Variants in SLC17A7 observed in about 807,000 individuals in gnomAD.
The protein encoded by SLC17A7 is solute carrier family 17 member 7, also known as vesicular glutamate transporter 1.
In SLC17A7, 15 loss-of-function variants were observed where a neutral mutation model predicts 59.1. The ratio of observed to expected loss-of-function variants is 0.25; its 90% CI spans 0.17 to 0.39. SLC17A7 has a LOEUF of 0.39. Ranked by LOEUF, SLC17A7 falls within the 10% of genes least tolerant of loss-of-function variation. The pLI is 1.00. For missense variants in SLC17A7, 499 were observed against 765.1 expected (o/e 0.65, Z 4.10); for synonymous variants, 353 against 308.9 (o/e 1.14, Z -1.50).
At chr19:49,434,537 C>A in intron 5 of SLC17A7, 65 bp downstream of exon 5, 1 of 1,490,350 alleles carries the variant, frequency 6.7e-7, no homozygotes, top group Non-Finnish European at 9.1e-7. Flanking sequence ...CCGCTCAGAC[C>A]CAACAGTCCA....
chr19:49,434,708 A>G lies in SLC17A7; in HGVS notation c.550-19T>C. Reference sequence around the variant, plus strand: ...TGACCCCCTAAAGAGGAGAAAACCAAGGTCACTGAGAAGAGGCAGGGTCCG... The same window carrying G: ...TGACCCCCTAAAGAGGAGAAAACCAGGGTCACTGAGAAGAGGCAGGGTCCG... On this transcript the variant is annotated intron_variant, in intron 4 of 11. Transcript: ENST00000221485. The G allele has an allele frequency of 6.2e-7, 1 of 1,614,158 alleles. No individual in the cohort carries two copies.
At position 49,430,435 on chromosome 19, in the gene SLC17A7, G is replaced by T; in HGVS notation, c.*84C>A. ...TAGGCCTGAGGCAGGACAGAGAGGAGCAGGGTTCCTTGACACTGTCACTCA... is the reference window on the plus strand; with the variant it reads ...TAGGCCTGAGGCAGGACAGAGAGGATCAGGGTTCCTTGACACTGTCACTCA... On this transcript the variant is annotated 3_prime_UTR_variant, in exon 12 of 12. Coordinates refer to ENST00000221485, the MANE Select transcript of SLC17A7 (RefSeq NM_020309.4). 1.0e-6 allele frequency: 1 copy of T among 977,700 alleles called. No homozygotes were observed. The highest frequency in any genetic ancestry group is 1.5e-6 in the Non-Finnish European group (1 of 659,850). The allele number at this position is 977,700 out of a possible 1,614,324, so 60.6% of individuals were successfully genotyped here.
chr19:49,437,299 G>A (rs368579969), intron 1 of SLC17A7: 70 of 162,430 alleles, frequency 4.3e-4, no homozygotes, highest in Non-Finnish European at 6.8e-4. Context: ...CCAGCAGCCC[G>A]TCCCAGGCAT....
intron 1 of SLC17A7, among the ~76,000 whole-genome samples, chr19:49,438,885 G>A (rs563124892): frequency 2.0e-5 from 3 of 152,070 alleles, no homozygotes; most frequent in Admixed American, 6.6e-5. Context: ...CTAAACAGGG[G>A]GTCTCAGTAT....
At position 49,436,061 on chromosome 19, in the gene SLC17A7, C is replaced by T; in HGVS notation, c.315+488G>A. ...GCGACAGAGCAATGGCCCCACTGCACCGTAGCCTGGGAGACCCTGTGGGTC... is the reference window on the plus strand; with the variant it reads ...GCGACAGAGCAATGGCCCCACTGCATCGTAGCCTGGGAGACCCTGTGGGTC... On this transcript the variant is annotated intron_variant, in intron 2 of 11. Transcript: ENST00000221485. The surrounding 1 kb of genome is among the most constrained non-coding windows in gnomAD (Gnocchi z 4.1). The T allele has an allele frequency of 6.0e-6, 1 of 166,660 alleles. No individual in the cohort carries two copies. The highest frequency in any genetic ancestry group is 5.6e-5 in the Admixed American group (1 of 18,016). 10.3% of individuals were successfully genotyped at this position (166,660 alleles called of 1,614,324 possible).
intron 2 of SLC17A7, chr19:49,435,596 T>C: frequency 7.6e-6 from 2 of 261,914 alleles, no homozygotes; most frequent in South Asian, 6.0e-5. Flanking sequence ...TCTCCACTTA[T>C]ATCCAGCTTA....
intron 2 of SLC17A7, 180 bp from the exon 3 acceptor site, chr19:49,435,466 C>T: frequency 1.7e-6 from 1 of 578,500 alleles, no homozygotes; most frequent in Non-Finnish European, 3.1e-6. Flanking sequence ...AAACTCCGCT[C>T]TTCCACGTTG....
At chr19:49,439,966 T>A (rs1257003720) in intron 1 of SLC17A7, among the ~76,000 whole-genome samples, 7 of 152,016 alleles carry the variant, frequency 4.6e-5, no homozygotes, top group Admixed American at 2.6e-4. Context: ...TTCACACTGA[T>A]GTATTTTGAG....
rs543891433 is a variant in SLC17A7 at position 49,436,146 on chromosome 19, G to A, written c.315+403C>T. 1.0e-3 allele frequency: 208 copies of A among 208,754 alleles called. 1 individual carries two copies. Among genetic ancestry groups the A allele is most frequent in the Non-Finnish European group, 1.7e-3 (175 of 101,142 alleles). The allele number at this position is 208,754 out of a possible 1,614,324, so 12.9% of individuals were successfully genotyped here. A position where few individuals can be genotyped will look rare whatever the true frequency, so the allele number is the denominator to read the frequency against. ...TAGGCAGTGGCAGGGTTTCAAAAAAGGATCACATTCAGGGAGGAACCTGAG... is the reference window on the plus strand; with the variant it reads ...TAGGCAGTGGCAGGGTTTCAAAAAAAGATCACATTCAGGGAGGAACCTGAG... On this transcript the variant is annotated intron_variant, in intron 2 of 11. Coordinates refer to ENST00000221485, the MANE Select transcript of SLC17A7 (RefSeq NM_020309.4). The surrounding 1 kb of genome is among the most constrained non-coding windows in gnomAD (Gnocchi z 4.1).
intron 1 of SLC17A7, 98 bp downstream of exon 1, chr19:49,441,220 G>A (rs2122311625): frequency 2.0e-6 from 3 of 1,534,658 alleles, no homozygotes; most frequent in Middle Eastern, 1.7e-4. Context: ...CCCCCATGCC[G>A]GGGTATCGCC....
Position 49,431,236 on chromosome 19 carries a change from C to G in SLC17A7, c.1262-94G>C. 1.9e-6 allele frequency: 3 copies of G among 1,579,082 alleles called. No homozygotes were observed. Among genetic ancestry groups the G allele is most frequent in the Non-Finnish European group, 2.6e-6 (3 of 1,157,670 alleles). On this transcript the variant is annotated intron_variant, in intron 10 of 11. Coordinates refer to ENST00000221485, the MANE Select transcript of SLC17A7 (RefSeq NM_020309.4). This position sits in a 1 kb window ranked among gnomAD's most constrained non-coding sequence, Gnocchi z 4.6. ...TCAACCCTCTCCCCTCCCCGCCACTCATGTTCCACCTTTTGTGAGGCTGAG... is the reference window on the plus strand; with the variant it reads ...TCAACCCTCTCCCCTCCCCGCCACTGATGTTCCACCTTTTGTGAGGCTGAG...
rs772337578 is a variant in SLC17A7, at chr19:49,436,792, C to T, written c.72G>A (p.Glu24=). 6.2e-7 allele frequency: 1 copy of T among 1,601,608 alleles called. No homozygotes were observed. The highest frequency in any genetic ancestry group is 2.2e-5 in the East Asian group (1 of 44,872). Residue 24 remains glutamate, a synonymous_variant, in exon 2 of 12, where the codon GAG becomes GAA. Transcript: ENST00000221485. This position sits in a 1 kb window ranked among gnomAD's most constrained non-coding sequence, Gnocchi z 4.1. ...RALGKLHRLL[E]KRQEGAETLE... ...GCGTCTCCGCGCCTTCCTGCCGCTT[C>T]TCCAGAAGGCTGCGGGACAGCAAGA...
rs761918595 is a variant in SLC17A7 at position 49,431,305 on chromosome 19, G to A, written c.1261+33C>T. 6.2e-6 allele frequency: 10 copies of A among 1,609,118 alleles called. No individual in the cohort carries two copies. In the South Asian group the frequency reaches 1.1e-4, roughly 18 times the overall value. The stretch of plus-strand genomic sequence containing the variant: ...AGGAAGTTCCCTACAGAGCTGACCA[G>A]AGTCCCCCAAGCTGCGGATCCGCGG... On this transcript the variant is annotated intron_variant, in intron 10 of 11. Coordinates refer to ENST00000221485, the MANE Select transcript of SLC17A7 (RefSeq NM_020309.4). The surrounding 1 kb of genome is among the most constrained non-coding windows in gnomAD (Gnocchi z 4.6).
chr19:49,441,242 C>T, intron 1 of SLC17A7, 76 bp downstream of exon 1: 1 of 1,559,210 alleles, frequency 6.4e-7, no homozygotes, highest in South Asian at 1.2e-5. Flanking sequence ...GTTCATCTGT[C>T]AGTCTGCGCC....
intron 1 of SLC17A7, chr19:49,437,086 T>TAA: frequency 1.9e-6 from 1 of 519,186 alleles, no homozygotes; most frequent in Non-Finnish European, 3.5e-6. Context: ...TCAGGAGACT[T>TAA]AGACCCCAGA....
chr19:49,438,007 G>A (rs889926206), intron 1 of SLC17A7: 3 of 151,220 alleles, frequency 2.0e-5, no homozygotes, highest in Non-Finnish European at 2.9e-5. Context: ...CAGAAAGAGG[G>A]GGACAGAGAC....
chr19:49,434,971 G>A (rs1343921720), intron 3 of SLC17A7, 89 bp from the exon 4 acceptor site: 1 of 1,314,082 alleles, frequency 7.6e-7, no homozygotes, highest in African/African-American at 1.5e-5. Context: ...TAGGCCCAGT[G>A]GTCCCCGGGA....
chr19:49,431,485 C>T lies in SLC17A7; in HGVS notation c.1151-37G>A, dbSNP rs758328853. The T allele has an allele frequency of 3.8e-6, 6 of 1,573,976 alleles. No homozygotes were observed. Among genetic ancestry groups the T allele is most frequent in the Non-Finnish European group, 5.2e-6 (6 of 1,147,226 alleles). ...GGGGGGGCCCGCGTCTCCTGAGTGTCGGCCGGAGCAAGGCGCAGGCTGCCC... is the reference window on the plus strand; with the variant it reads ...GGGGGGGCCCGCGTCTCCTGAGTGTTGGCCGGAGCAAGGCGCAGGCTGCCC... On this transcript the variant is annotated intron_variant, in intron 9 of 11. Transcript: ENST00000221485. The surrounding 1 kb of genome is among the most constrained non-coding windows in gnomAD (Gnocchi z 4.6).
intron 9 of SLC17A7, among the ~76,000 whole-genome samples, chr19:49,432,206 A>C (rs956439965): frequency 3.9e-5 from 6 of 152,122 alleles, no homozygotes; most frequent in Non-Finnish European, 5.9e-5. Flanking sequence ...CACCTAGTTC[A>C]TGTCCTACCA....
Sources: allele counts gnomAD v4.1 joint callset (sites outside exome capture counted in the v4.1 genomes callset), GRCh38; gene constraint gnomAD v4.1.1; non-coding constraint Gnocchi (gnomAD v3.1); transcripts MANE v1.5; gene names NCBI Gene and HGNC (gene_info 2026-07-23, HGNC 2026-07-21).